The following SLC24A2 variants were observed in gnomAD, a reference collection of about 807,000 sequenced individuals.
SLC24A2 encodes sodium/potassium/calcium exchanger 2.
In SLC24A2, 36 loss-of-function variants were observed where a neutral mutation model predicts 62.0. That is an observed-to-expected ratio of 0.58 (90% CI 0.44 to 0.77). SLC24A2 has a LOEUF of 0.77. Among genes scored for constraint, SLC24A2 ranks in the 30% least tolerant of loss-of-function variants. The probability of loss-of-function intolerance (pLI) is 0.00; values close to 1 mark genes in which losing one functional copy is unlikely to be tolerated. For synonymous variants in SLC24A2, 358 were observed against 294.0 expected (o/e 1.22, Z -2.23); for missense variants, 846 against 817.9 (o/e 1.03, Z -0.42).
At chr9:20,148,609 T>C in the SLC24A2 span, among the ~76,000 whole-genome samples, 23 of 152,286 alleles carry the variant, frequency 1.5e-4, no homozygotes, top group East Asian at 4.5e-3. Context: ...TTAGCGAATG[T>C]CATTCTTGAC....
chr9:20,116,986 T>G, the SLC24A2 span, among the ~76,000 whole-genome samples: 1 of 152,124 alleles, frequency 6.6e-6, no homozygotes, highest in Non-Finnish European at 1.5e-5. Flanking sequence ...TGTATGATCT[T>G]TCCACTCAAC....
At chr9:19,935,215 C>A in the SLC24A2 span, among the ~76,000 whole-genome samples, 1 of 149,858 alleles carries the variant, frequency 6.7e-6, no homozygotes, top group African/African-American at 2.5e-5. Flanking sequence ...TATTGGAAAT[C>A]GGGATTGGGG....
the SLC24A2 span, among the ~76,000 whole-genome samples, chr9:20,049,850 G>T: frequency 5.3e-5 from 8 of 152,042 alleles, no homozygotes; most frequent in Non-Finnish European, 2.9e-5. Context: ...TACAGAGGAA[G>T]TTAGCACAAT....
At chr9:19,949,083 C>T in the SLC24A2 span, among the ~76,000 whole-genome samples, 3 of 151,696 alleles carry the variant, frequency 2.0e-5, no homozygotes. Context: ...AACCTCTGCC[C>T]CCTGAGTTCA....
At chr9:19,666,848 C>T (rs1176481600) in intron 2 of SLC24A2, among the ~76,000 whole-genome samples, 1 of 152,146 alleles carries the variant, frequency 6.6e-6, no homozygotes, top group Non-Finnish European at 1.5e-5. Context: ...GGACTCTGTT[C>T]TTTGTCTAAG....
At chr9:19,689,575 T>A (rs1024703398) in intron 2 of SLC24A2, among the ~76,000 whole-genome samples, 1 of 152,140 alleles carries the variant, frequency 6.6e-6, no homozygotes, top group East Asian at 1.9e-4. Context: ...CACAGGCCCA[T>A]TGACATGCTG....
At chr9:20,035,295 A>G in the SLC24A2 span, among the ~76,000 whole-genome samples, 1 of 152,336 alleles carries the variant, frequency 6.6e-6, no homozygotes, top group East Asian at 1.9e-4. Flanking sequence ...CTTGTAAAGC[A>G]CTATAGTGTC....
At chr9:19,573,915 G>T (rs937652598) in intron 6 of SLC24A2, among the ~76,000 whole-genome samples, 7 of 152,154 alleles carry the variant, frequency 4.6e-5, no homozygotes, top group Admixed American at 3.3e-4. Context: ...ACCCTGGACT[G>T]TACCCTTCAG....
At chr9:19,805,361 T>A in the SLC24A2 span, among the ~76,000 whole-genome samples, 1 of 152,228 alleles carries the variant, frequency 6.6e-6, no homozygotes, top group East Asian at 1.9e-4. Flanking sequence ...CAAGGCAACA[T>A]AAATCCATTA....
chr9:20,093,184 G>A, the SLC24A2 span, among the ~76,000 whole-genome samples: 1 of 151,790 alleles, frequency 6.6e-6, no homozygotes, highest in Non-Finnish European at 1.5e-5. Flanking sequence ...AGATTCTCCT[G>A]TCTCAGCCTT....
At chr9:19,753,368 G>C (rs577375952) in intron 2 of SLC24A2, among the ~76,000 whole-genome samples, 1 of 152,348 alleles carries the variant, frequency 6.6e-6, no homozygotes, top group African/African-American at 2.4e-5. Context: ...GACAGCTCTT[G>C]TTCTGGAGAG....
chr9:20,065,702 C>T, the SLC24A2 span, among the ~76,000 whole-genome samples: 1 of 152,064 alleles, frequency 6.6e-6, no homozygotes, highest in Non-Finnish European at 1.5e-5. Context: ...CTTAAGTGAC[C>T]AGTGTTACAC....
chr9:19,546,313 C>G (rs1378916147), intron 8 of SLC24A2, among the ~76,000 whole-genome samples: 1 of 152,226 alleles, frequency 6.6e-6, no homozygotes, highest in Non-Finnish European at 1.5e-5. Context: ...GCCAGATGCT[C>G]TGTCCCAGGG....
At chr9:19,972,494 G>T in the SLC24A2 span, among the ~76,000 whole-genome samples, 2 of 152,038 alleles carry the variant, frequency 1.3e-5, no homozygotes, top group Non-Finnish European at 2.9e-5. Context: ...AAGAAGAAAG[G>T]GACTTTTATC....
At position 19,599,932 on chromosome 9, in the gene SLC24A2, T is replaced by A. The variant is rs898918701; in HGVS notation, c.1079-2653A>T. ...AATAACTAAGGCACTTTGAACATAA[T>A]TGGATTAGGATTCAAACTGGGGCTA... On this transcript the variant is annotated intron_variant, in intron 4 of 10. Transcript: ENST00000341998. The surrounding 1 kb of genome is among the most constrained non-coding windows in gnomAD (Gnocchi z 4.5). Among the ~76,000 whole-genome samples, 3 of 152,168 alleles carry A rather than the reference T, an allele frequency of 2.0e-5. No homozygotes were observed. The highest frequency in any genetic ancestry group is 2.9e-5 in the Non-Finnish European group (2 of 68,024).
At chr9:20,100,596 T>G in the SLC24A2 span, among the ~76,000 whole-genome samples, 1 of 152,332 alleles carries the variant, frequency 6.6e-6, no homozygotes, top group East Asian at 1.9e-4. Context: ...CTATTTCCAG[T>G]ATCTAACACA....
chr9:19,797,218 G>C, the SLC24A2 span, among the ~76,000 whole-genome samples: 1 of 152,116 alleles, frequency 6.6e-6, no homozygotes, highest in Non-Finnish European at 1.5e-5. Context: ...TATTTGGTTT[G>C]TTCATTACTT....
intron 2 of SLC24A2, among the ~76,000 whole-genome samples, chr9:19,626,013 T>G (rs1014225808): frequency 2.8e-4 from 43 of 152,126 alleles, no homozygotes; most frequent in African/African-American, 9.7e-4. Flanking sequence ...TATAGGAATT[T>G]TGCTACTTAT....
the SLC24A2 span, among the ~76,000 whole-genome samples, chr9:19,907,382 CA>C: frequency 6.6e-6 from 1 of 152,284 alleles, no homozygotes; most frequent in Middle Eastern, 3.4e-3. Context: ...ACTGAATGGG[CA>C]AAAACTGGAA....
Sources: gnomAD v4.1 joint callset for allele counts (sites outside exome capture counted in the v4.1 genomes callset) on GRCh38, gnomAD v4.1.1 for gene constraint, Gnocchi (gnomAD v3.1) non-coding constraint, MANE v1.5 for transcripts, NCBI Gene and HGNC (gene_info 2026-07-23, HGNC 2026-07-21) for gene names.